The following ROBO2 variants were observed in gnomAD, a reference collection of about 807,000 sequenced individuals.
ROBO2 encodes the protein roundabout guidance receptor 2.
Under a neutral mutation model 160.8 loss-of-function variants are expected in ROBO2, and 53 were observed. The ratio of observed to expected loss-of-function variants is 0.33; its 90% CI spans 0.26 to 0.41. ROBO2 has a LOEUF of 0.41. Ranked by LOEUF, ROBO2 falls within the 10% of genes least tolerant of loss-of-function variation. The pLI, the probability that ROBO2 is intolerant of heterozygous loss-of-function variation, is 1.00. For missense variants in ROBO2, 1,577 were observed against 1,722.4 expected (o/e 0.92, Z 1.49); for synonymous variants, 664 against 611.7 (o/e 1.09, Z -1.26).
intron 2 of ROBO2, among the ~76,000 whole-genome samples, chr3:77,270,279 A>G (rs1038962814): frequency 7.2e-5 from 11 of 152,340 alleles, no homozygotes; most frequent in Admixed American, 3.3e-4. Flanking sequence ...TAGCCCAACA[A>G]AATGCCACGT....
At chr3:76,373,764 C>T (rs943373453) in intron 2 of ROBO2, among the ~76,000 whole-genome samples, 2 of 151,932 alleles carry the variant, frequency 1.3e-5, no homozygotes, top group African/African-American at 2.4e-5. Flanking sequence ...TAAAACTAAT[C>T]GTTATCATTG....
intron 16 of ROBO2, among the ~76,000 whole-genome samples, chr3:77,580,768 T>C (rs1371153282): frequency 6.6e-6 from 1 of 152,184 alleles, no homozygotes; most frequent in Non-Finnish European, 1.5e-5. Flanking sequence ...AGTATTCAAT[T>C]GTATGAATAT....
intron 2 of ROBO2, among the ~76,000 whole-genome samples, chr3:76,286,006 TTAGG>T (rs1708486813): frequency 6.6e-6 from 1 of 152,162 alleles, no homozygotes; most frequent in Non-Finnish European, 1.5e-5. Flanking sequence ...TTCTGGACAC[TTAGG>T]TAGGCACTGC....
intron 2 of ROBO2, among the ~76,000 whole-genome samples, chr3:76,547,632 C>A (rs916658819): frequency 6.6e-6 from 1 of 151,974 alleles, no homozygotes; most frequent in Non-Finnish European, 1.5e-5. Context: ...TACAAGAGGG[C>A]AATAATCAAT....
At chr3:77,182,018 T>A (rs1408269681) in intron 2 of ROBO2, among the ~76,000 whole-genome samples, 1 of 152,078 alleles carries the variant, frequency 6.6e-6, no homozygotes, top group Non-Finnish European at 1.5e-5. Context: ...GTTATGAAAG[T>A]TTTTAGTCAC....
rs1580832661 is a variant in ROBO2, at chr3:77,296,656, G to A, written c.389-180758G>A. Among the ~76,000 whole-genome samples the A allele has an allele frequency of 2.0e-5, 3 of 152,076 alleles. No individual in the cohort carries two copies. In the South Asian group the frequency reaches 6.2e-4, roughly 32 times the overall value. ...GTGATTGTGATGCATAGCAATGTTTGAGAACAATTGCTCAGAATATTCTAG... is the reference window on the plus strand; with the variant it reads ...GTGATTGTGATGCATAGCAATGTTTAAGAACAATTGCTCAGAATATTCTAG... On this transcript the variant is annotated intron_variant, in intron 2 of 25. Transcript: ENST00000461745.
At chr3:76,262,394 T>A (rs1403297424) in intron 2 of ROBO2, among the ~76,000 whole-genome samples, 1 of 152,138 alleles carries the variant, frequency 6.6e-6, no homozygotes, top group African/African-American at 2.4e-5. Context: ...TTCCATGCAC[T>A]GTCTGCTTTT....
Position 77,153,946 on chromosome 3 carries a change from A to C in ROBO2, c.388+55606A>C, listed in dbSNP as rs186704799. ...TTAGATAAGTCTAAAATTTAGGAGA[A>C]TCTTTCTTATTTTAAGTAGAAAACT... On this transcript the variant is annotated intron_variant, in intron 2 of 25. Transcript: ENST00000461745. Among the ~76,000 whole-genome samples the C allele has an allele frequency of 7.2e-5, 11 of 152,276 alleles. No homozygotes were observed. The East Asian group carries it at 1.5e-3, about 21-fold the overall frequency.
At chr3:76,294,071 C>T (rs1009706732) in intron 2 of ROBO2, among the ~76,000 whole-genome samples, 8 of 152,196 alleles carry the variant, frequency 5.3e-5, no homozygotes, top group Non-Finnish European at 8.8e-5. Context: ...CTACCCCATG[C>T]ATGTGCACAC....
intron 2 of ROBO2, among the ~76,000 whole-genome samples, chr3:76,870,864 T>C (rs957553158): frequency 6.6e-6 from 1 of 152,120 alleles, no homozygotes; most frequent in African/African-American, 2.4e-5. Flanking sequence ...ACAACTGTGG[T>C]TTATAAAATG....
At chr3:77,143,614 G>A (rs934319107) in intron 2 of ROBO2, among the ~76,000 whole-genome samples, 3 of 152,006 alleles carry the variant, frequency 2.0e-5, no homozygotes, top group Non-Finnish European at 4.4e-5. Flanking sequence ...TAAAATCATA[G>A]TGCCTCTTCT....
At chr3:76,663,524 TC>T (rs1161763384) in intron 2 of ROBO2, among the ~76,000 whole-genome samples, 2 of 152,194 alleles carry the variant, frequency 1.3e-5, no homozygotes, top group African/African-American at 4.8e-5. Context: ...TCTGTTGTGC[TC>T]CTGCCTTTAC....
At chr3:76,656,298 A>G (rs189697411) in intron 2 of ROBO2, among the ~76,000 whole-genome samples, 114 of 152,280 alleles carry the variant, frequency 7.5e-4, no homozygotes, top group African/African-American at 2.6e-3. Context: ...CTGGCATGAA[A>G]ATTGTTTATA....
chr3:76,167,247 T>C (rs1559607418), intron 2 of ROBO2, among the ~76,000 whole-genome samples: 2 of 152,140 alleles, frequency 1.3e-5, no homozygotes, highest in Admixed American at 6.6e-5. Flanking sequence ...GGGGTTACAC[T>C]TGAATTTTAT....
intron 2 of ROBO2, among the ~76,000 whole-genome samples, chr3:76,869,342 G>GTTTTTTTT (rs34051755): frequency 2.1e-4 from 15 of 71,356 alleles, no homozygotes; most frequent in Non-Finnish European, 2.3e-4. Context: ...AGAAATTGAT[G>GTTTTTTTT]TTTTTTTTTT....
intron 2 of ROBO2, among the ~76,000 whole-genome samples, chr3:76,003,600 A>G (rs74427334): frequency 6.6e-6 from 1 of 152,202 alleles, no homozygotes; most frequent in East Asian, 1.9e-4. Context: ...TTGGCCTTTC[A>G]TGTGTATGAG....
At chr3:76,763,132 A>C (rs567929109) in intron 2 of ROBO2, among the ~76,000 whole-genome samples, 1 of 151,666 alleles carries the variant, frequency 6.6e-6, no homozygotes, top group African/African-American at 2.4e-5. Flanking sequence ...AATTGAAAAT[A>C]CTATCTTTAA....
At chr3:75,974,206 A>G (rs370072874) in intron 2 of ROBO2, among the ~76,000 whole-genome samples, 52 of 151,676 alleles carry the variant, frequency 3.4e-4, no homozygotes, top group African/African-American at 1.2e-3. Flanking sequence ...AAGAAGCAAT[A>G]TATGAAAACA....
rs958216629 is a variant in ROBO2 at position 75,976,351 on chromosome 3, A to G, written c.109+38749A>G. On this transcript the variant is annotated intron_variant, in intron 2 of 26. Coordinates refer to the ROBO2 transcript ENST00000487694. ...GAATTAATTATTGCACATTCATGCA[A>G]TGTAATACTATTAAGCAATAAGATT... Among the ~76,000 whole-genome samples, 4 of 151,716 alleles carry G rather than the reference A, an allele frequency of 2.6e-5. No homozygotes were observed. The South Asian group carries it at 6.2e-4, about 24-fold the overall frequency.
Sources: allele counts gnomAD v4.1 joint callset (sites outside exome capture counted in the v4.1 genomes callset), GRCh38; gene constraint gnomAD v4.1.1; transcripts MANE v1.5; gene names NCBI Gene and HGNC (gene_info 2026-07-23, HGNC 2026-07-21).